The following ADCY2 variants were observed in gnomAD, a reference collection of about 807,000 sequenced individuals.
ADCY2 encodes the protein adenylate cyclase 2.
ADCY2 carries 31 observed loss-of-function variants against 125.2 expected under a neutral mutation model. The ratio of observed to expected loss-of-function variants is 0.25; its 90% CI spans 0.19 to 0.33. The LOEUF (loss-of-function observed/expected upper bound fraction) is 0.33, where lower values mean the gene tolerates loss of function less well. ADCY2 is among the 10% of genes least tolerant of loss of function. The probability of loss-of-function intolerance (pLI) is 1.00; values close to 1 mark genes in which losing one functional copy is unlikely to be tolerated. For synonymous variants in ADCY2, 512 were observed against 548.4 expected, an observed-to-expected ratio of 0.93 and a Z score of 0.93; for missense variants, 904 against 1,418.2, an observed-to-expected ratio of 0.64 and a Z score of 5.82.
intron 4 of ADCY2, among the ~76,000 whole-genome samples, chr5:7,655,628 T>A (rs1200825947): frequency 6.6e-6 from 1 of 152,164 alleles, no homozygotes; most frequent in Non-Finnish European, 1.5e-5. Context: ...GTCCATTGAT[T>A]CAATTGCCAG....
chr5:7,786,599 A>G (rs1053044680), intron 19 of ADCY2, among the ~76,000 whole-genome samples: 2 of 152,246 alleles, frequency 1.3e-5, no homozygotes, highest in Admixed American at 1.3e-4. Flanking sequence ...CTTGTGCAAC[A>G]GGTACAGTAC....
Position 7,757,527 on chromosome 5 carries a change from C to T in ADCY2, c.2035C>T (p.Arg679Trp). 1.2e-6 allele frequency: 2 copies of T among 1,614,050 alleles called. No individual in the cohort carries two copies. The highest frequency in any genetic ancestry group is 1.7e-6 in the Non-Finnish European group (2 of 1,180,016). The change falls in exon 16 of 25, where the codon CGG (arginine) becomes TGG (tryptophan). Residue 679 changes from arginine to tryptophan, a missense_variant. Coordinates refer to ENST00000338316, the MANE Select transcript of ADCY2 (RefSeq NM_020546.3). ...SGIIANRPWP[R>W]ISLTIITTAI... is the part of the protein sequence containing the mutation. The stretch of plus-strand genomic sequence containing the variant: ...CATCATTGCCAACCGCCCCTGGCCA[C>T]GGATCTCTCTCACGATCATCACCAC...
chr5:7,738,424 A>G (rs1368042108), intron 14 of ADCY2, among the ~76,000 whole-genome samples: 1 of 152,032 alleles, frequency 6.6e-6, no homozygotes, highest in Non-Finnish European at 1.5e-5. Context: ...GAACAGAAAA[A>G]CAAAAATAAA....
chr5:7,617,078 A>C (rs1225037345), intron 3 of ADCY2, among the ~76,000 whole-genome samples: 2 of 152,160 alleles, frequency 1.3e-5, no homozygotes, highest in Non-Finnish European at 2.9e-5. Flanking sequence ...CATGGGTGTG[A>C]TTAACACCGT....
Position 7,479,653 on chromosome 5 carries a change from T to A in ADCY2, c.409-41085T>A, listed in dbSNP as rs1440981398. Among the ~76,000 whole-genome samples, 50 of 152,022 alleles carry A rather than the reference T, an allele frequency of 3.3e-4. 1 individual carries two copies. The highest frequency in any genetic ancestry group is 3.3e-3 in the Admixed American group (50 of 15,276). On this transcript the variant is annotated intron_variant, in intron 2 of 24. Transcript: ENST00000338316. ...TTAAAATTTTTTTTTTTTACTATAG[T>A]CACCCTGTTGTGCTAGCAAATACTA...
intron 4 of ADCY2, among the ~76,000 whole-genome samples, chr5:7,653,218 G>A (rs1224880893): frequency 6.6e-6 from 1 of 152,128 alleles, no homozygotes; most frequent in African/African-American, 2.4e-5. Context: ...CTTTCCTTTT[G>A]CCATGACAAC....
At chr5:7,602,631 G>C (rs1351951862) in intron 3 of ADCY2, among the ~76,000 whole-genome samples, 1 of 152,116 alleles carries the variant, frequency 6.6e-6, no homozygotes. Flanking sequence ...TCATAAAACA[G>C]CTAACTTTTC....
In ADCY2 at chr5:7,553,193, G is replaced by A. The variant is rs112531658; in HGVS notation, c.570+32294G>A. On this transcript the variant is annotated intron_variant, in intron 3 of 24. Coordinates refer to ENST00000338316, the MANE Select transcript of ADCY2 (RefSeq NM_020546.3). ...AACCCACGATCTCTGTACTCATTAG[G>A]GAAATGTTCCATATCTTGACTGTTC... Among the ~76,000 whole-genome samples, 845 of 152,296 alleles carry A rather than the reference G, an allele frequency of 5.5e-3. 1 individual carries two copies. Among genetic ancestry groups the A allele is most frequent in the Non-Finnish European group, 8.6e-3 (588 of 68,024 alleles).
chr5:7,739,396 G>T (rs74858928), intron 14 of ADCY2, among the ~76,000 whole-genome samples: 1,753 of 152,014 alleles, frequency 0.012, 26 homozygotes, highest in African/African-American at 0.04. Context: ...ATCAAAATGT[G>T]TGGGATTGCA....
chr5:7,748,790 T>C (rs980515285), intron 15 of ADCY2, among the ~76,000 whole-genome samples: 3 of 152,210 alleles, frequency 2.0e-5, no homozygotes, highest in African/African-American at 7.2e-5. Context: ...AAATACCTAC[T>C]TACTCTGCTA....
intron 4 of ADCY2, among the ~76,000 whole-genome samples, chr5:7,627,093 G>A (rs905959747): frequency 2.6e-5 from 4 of 152,116 alleles, no homozygotes; most frequent in East Asian, 1.9e-4. Context: ...CCCCCTCATC[G>A]CCCCCTCACC....
chr5:7,559,239 G>A (rs1735631431), intron 3 of ADCY2, among the ~76,000 whole-genome samples: 1 of 152,120 alleles, frequency 6.6e-6, no homozygotes, highest in South Asian at 2.1e-4. Flanking sequence ...AACTGGAATA[G>A]CAATGAATCT....
chr5:7,708,987 T>A (rs1741352716), intron 9 of ADCY2, among the ~76,000 whole-genome samples: 1 of 152,190 alleles, frequency 6.6e-6, no homozygotes, highest in Non-Finnish European at 1.5e-5. Flanking sequence ...TATCATTATT[T>A]TTTTCTAAGT....
intron 1 of ADCY2, among the ~76,000 whole-genome samples, chr5:7,408,116 C>T (rs1423047826): frequency 1.3e-5 from 2 of 151,908 alleles, no homozygotes; most frequent in African/African-American, 2.4e-5. Context: ...GTGATCTGCT[C>T]GCCTCAACCT....
intron 1 of ADCY2, among the ~76,000 whole-genome samples, chr5:7,404,616 T>C (rs1426755898): frequency 6.6e-6 from 1 of 152,246 alleles, no homozygotes; most frequent in Non-Finnish European, 1.5e-5. Context: ...ACTTTCCACA[T>C]GGAAGTGACA....
At chr5:7,622,375 A>G (rs1737982897) in intron 3 of ADCY2, among the ~76,000 whole-genome samples, 1 of 152,244 alleles carries the variant, frequency 6.6e-6, no homozygotes, top group Admixed American at 6.5e-5. Flanking sequence ...GAAACCGGGT[A>G]TCAGGAACAG....
intron 2 of ADCY2, among the ~76,000 whole-genome samples, chr5:7,417,074 C>A (rs7712636): frequency 0.32 from 48,252 of 151,964 alleles, 8,442 homozygotes; most frequent in African/African-American, 0.45. Context: ...ATGAAAGGGT[C>A]GTGTATAAAA....
chr5:7,627,827 C>A (rs1372841252), intron 4 of ADCY2, among the ~76,000 whole-genome samples: 1 of 152,196 alleles, frequency 6.6e-6, no homozygotes. Flanking sequence ...AAGGCTGTGG[C>A]AGGCATGGCT....
At chr5:7,690,466 A>AAC in intron 4 of ADCY2, 1 of 352,346 alleles carries the variant, frequency 2.8e-6, no homozygotes, top group Non-Finnish European at 5.0e-6. Context: ...CATACTGAAG[A>AAC]ACACACACTT....
Sources: allele counts gnomAD v4.1 joint callset (sites outside exome capture counted in the v4.1 genomes callset), GRCh38; gene constraint gnomAD v4.1.1; transcripts MANE v1.5; gene names NCBI Gene and HGNC (gene_info 2026-07-23, HGNC 2026-07-21).